The following AFF3 variants were observed in gnomAD, a reference collection of about 807,000 sequenced individuals.
AFF3 encodes ALF transcription elongation factor 3.
In AFF3, 32 loss-of-function variants were observed where a neutral mutation model predicts 129.7. The ratio of observed to expected loss-of-function variants is 0.25; its 90% confidence interval spans 0.19 to 0.33. The LOEUF is 0.33. AFF3 is among the 10% of genes least tolerant of loss of function. AFF3 has a pLI of 1.00. For synonymous variants in AFF3, 644 were observed against 635.4 expected, an observed-to-expected ratio of 1.01 and a Z score of -0.20; for missense variants, 1,373 against 1,592.0, an observed-to-expected ratio of 0.86 and a Z score of 2.34.
chr2:99,712,186 G>T (rs563292328), intron 11 of AFF3, among the ~76,000 whole-genome samples: 1 of 152,282 alleles, frequency 6.6e-6, no homozygotes, highest in East Asian at 1.9e-4. Flanking sequence ...TGGGTTGTCA[G>T]TTCTTTGGGT....
chr2:99,797,592 C>G (rs1685637878), intron 8 of AFF3, among the ~76,000 whole-genome samples: 1 of 151,970 alleles, frequency 6.6e-6, no homozygotes, highest in Non-Finnish European at 1.5e-5. Context: ...ATGATAGGTA[C>G]AGTAAACATG....
At chr2:99,675,300 G>A (rs1223887319) in intron 11 of AFF3, among the ~76,000 whole-genome samples, 3 of 152,298 alleles carry the variant, frequency 2.0e-5, no homozygotes, top group Admixed American at 6.5e-5. Flanking sequence ...AAGTGGCCAT[G>A]GAAACACAAA....
At chr2:99,748,185 A>C (rs1681329919) in intron 9 of AFF3, among the ~76,000 whole-genome samples, 1 of 152,158 alleles carries the variant, frequency 6.6e-6, no homozygotes, top group African/African-American at 2.4e-5. Flanking sequence ...AGGGAGACCA[A>C]AGTTCCTTTC....
intron 13 of AFF3, among the ~76,000 whole-genome samples, chr2:99,624,578 A>G (rs1682363711): frequency 6.6e-6 from 1 of 152,120 alleles, no homozygotes; most frequent in Non-Finnish European, 1.5e-5. Flanking sequence ...TCGCAGTCCA[A>G]TGCCACTTGC....
At position 99,782,263 on chromosome 2, in the gene AFF3, C is replaced by A. The variant is rs138801781; in HGVS notation, c.922-29962G>T. On this transcript the variant is annotated intron_variant, in intron 8 of 24. Transcript: ENST00000672756. ...AGACCCTACCAAAAGCCCTTTGGCC[C>A]AAACATCTGTAAATGCTAGTGAACA... 4.3e-3 allele frequency among the ~76,000 whole-genome samples: 653 copies of A among 152,258 alleles called. 3 individuals are homozygous for A. The highest frequency in any genetic ancestry group is 0.015 in the African/African-American group (621 of 41,542).
chr2:99,713,830 C>A (rs1678134792), intron 11 of AFF3, among the ~76,000 whole-genome samples: 1 of 151,848 alleles, frequency 6.6e-6, no homozygotes, highest in Admixed American at 6.6e-5. Context: ...TCCTGAGTAG[C>A]TGGGATTACA....
At chr2:100,064,105 G>T (rs28461571) in intron 4 of AFF3, among the ~76,000 whole-genome samples, 1 of 82,810 alleles carries the variant, frequency 1.2e-5, no homozygotes, top group Non-Finnish European at 2.7e-5. Context: ...AAAAAGAAAA[G>T]AAAAGAAAAG....
intron 7 of AFF3, among the ~76,000 whole-genome samples, chr2:99,932,331 G>A (rs116521787): frequency 0.013 from 2,024 of 152,178 alleles, 58 homozygotes; most frequent in African/African-American, 0.046. Flanking sequence ...TGGTATAGAT[G>A]GTGTGGCTCA....
At chr2:99,575,856 A>G (rs72966220) in intron 18 of AFF3, among the ~76,000 whole-genome samples, 11,519 of 152,236 alleles carry the variant, frequency 0.076, 854 homozygotes, top group African/African-American at 0.19. Flanking sequence ...GTTGACACCA[A>G]TAGTGACAAG....
At chr2:99,965,056 G>C (rs1199188215) in intron 7 of AFF3, among the ~76,000 whole-genome samples, 2 of 152,152 alleles carry the variant, frequency 1.3e-5, no homozygotes, top group Non-Finnish European at 2.9e-5. Context: ...ATACTCAGGG[G>C]TAAGACTCTC....
At chr2:100,083,702 G>A (rs1438717264) in intron 4 of AFF3, among the ~76,000 whole-genome samples, 1 of 152,078 alleles carries the variant, frequency 6.6e-6, no homozygotes, top group Non-Finnish European at 1.5e-5. Context: ...TGTCTTCTCA[G>A]GAAAGACAAA....
At chr2:99,602,859 G>A (rs1451414947) in intron 13 of AFF3, among the ~76,000 whole-genome samples, 2 of 152,172 alleles carry the variant, frequency 1.3e-5, no homozygotes, top group African/African-American at 2.4e-5. Flanking sequence ...TGGGTATGGG[G>A]GTGGGGATGG....
chr2:100,076,733 A>T (rs1688619649), intron 4 of AFF3, among the ~76,000 whole-genome samples: 1 of 152,224 alleles, frequency 6.6e-6, no homozygotes, highest in African/African-American at 2.4e-5. Flanking sequence ...GGACCGGAAC[A>T]GTAAAGCTGA....
At chr2:99,734,239 T>G (rs992166073) in intron 10 of AFF3, among the ~76,000 whole-genome samples, 6 of 152,214 alleles carry the variant, frequency 3.9e-5, no homozygotes, top group African/African-American at 1.4e-4. Flanking sequence ...GGAAATGAAA[T>G]TAATTGTGTA....
intron 4 of AFF3, among the ~76,000 whole-genome samples, chr2:100,061,443 A>G (rs1484673347): frequency 6.6e-6 from 1 of 152,194 alleles, no homozygotes; most frequent in African/African-American, 2.4e-5. Context: ...GGAGGTAAGA[A>G]GCACTATCTC....
chr2:100,126,276 G>A (rs531702720), intron 2 of AFF3, among the ~76,000 whole-genome samples: 3 of 152,344 alleles, frequency 2.0e-5, no homozygotes, highest in East Asian at 3.9e-4. Flanking sequence ...GCATTGATCA[G>A]TGGCAAAGCA....
chr2:99,897,362 T>TAAAACATC (rs1331606129), intron 7 of AFF3, among the ~76,000 whole-genome samples: 1 of 152,120 alleles, frequency 6.6e-6, no homozygotes, highest in Non-Finnish European at 1.5e-5. Context: ...TCTCTCCCCC[T>TAAAACATC]AAAACATCAT....
intron 12 of AFF3, among the ~76,000 whole-genome samples, chr2:99,668,018 CATG>C (rs888032731): frequency 6.6e-6 from 1 of 151,896 alleles, no homozygotes; most frequent in African/African-American, 2.4e-5. Context: ...ATTAGCCAGG[CATG>C]GTGGTGGGCG....
At chr2:99,710,677 G>C (rs917212739) in intron 11 of AFF3, among the ~76,000 whole-genome samples, 1 of 152,166 alleles carries the variant, frequency 6.6e-6, no homozygotes, top group African/African-American at 2.4e-5. Context: ...AAAGGTGAGT[G>C]CCTGCCTGAA....
Sources: gnomAD v4.1 joint callset for allele counts (sites outside exome capture counted in the v4.1 genomes callset) on GRCh38, gnomAD v4.1.1 for gene constraint, MANE v1.5 for transcripts, NCBI Gene and HGNC (gene_info 2026-07-23, HGNC 2026-07-21) for gene names.